GALNTL6: variants seen among roughly 807,000 people sequenced by gnomAD.
GALNTL6 encodes polypeptide N-acetylgalactosaminyltransferase like 6, also known as polypeptide N-acetylgalactosaminyltransferase-like 6.
A neutral mutation model predicts 73.7 loss-of-function variants in GALNTL6; 46 were observed. That is an observed-to-expected ratio of 0.62 (90% CI 0.49 to 0.80). GALNTL6 has a LOEUF of 0.80. GALNTL6 is among the 30% of genes least tolerant of loss of function. GALNTL6 has a pLI of 0.00. For synonymous variants in GALNTL6, 259 were observed against 263.7 expected (o/e 0.98, Z 0.17); for missense variants, 604 against 755.0 (o/e 0.80, Z 2.34).
At chr4:171,931,415 A>T (rs543717508) in intron 2 of GALNTL6, among the ~76,000 whole-genome samples, 1 of 152,328 alleles carries the variant, frequency 6.6e-6, no homozygotes, top group East Asian at 1.9e-4. Context: ...GCAGACACAT[A>T]GAAAAGTATC....
At chr4:172,946,362 G>T (rs1191422941) in intron 9 of GALNTL6, among the ~76,000 whole-genome samples, 1 of 152,172 alleles carries the variant, frequency 6.6e-6, no homozygotes, top group Non-Finnish European at 1.5e-5. Context: ...AACAGGGATT[G>T]AATAGTCTAG....
intron 2 of GALNTL6, among the ~76,000 whole-genome samples, chr4:171,989,835 C>T (rs905367045): frequency 3.3e-5 from 5 of 152,076 alleles, no homozygotes; most frequent in Non-Finnish European, 5.9e-5. Context: ...GGGTTGCTGC[C>T]GAACGAGCCA....
chr4:172,973,657 A>C (rs528605162), intron 10 of GALNTL6, among the ~76,000 whole-genome samples: 26 of 152,378 alleles, frequency 1.7e-4, no homozygotes, highest in African/African-American at 3.6e-4. Context: ...GATATTTTAG[A>C]TAACCAGAGG....
intron 2 of GALNTL6, among the ~76,000 whole-genome samples, chr4:171,967,888 T>A (rs552596220): frequency 6.6e-6 from 1 of 152,292 alleles, no homozygotes; most frequent in African/African-American, 2.4e-5. Context: ...GGACAACTCT[T>A]AATTATACAG....
At chr4:172,731,142 A>G (rs1736128034) in intron 5 of GALNTL6, among the ~76,000 whole-genome samples, 2 of 151,846 alleles carry the variant, frequency 1.3e-5, no homozygotes, top group South Asian at 2.1e-4. Flanking sequence ...TTCTTTAAAT[A>G]TATGGTATAA....
chr4:172,966,145 T>C (rs1047900272), intron 10 of GALNTL6, among the ~76,000 whole-genome samples: 6 of 152,214 alleles, frequency 3.9e-5, no homozygotes, highest in African/African-American at 1.2e-4. Flanking sequence ...AGTTAGCATA[T>C]GTACAAAAAT....
At chr4:173,035,248 G>A (rs1164127168) in intron 12 of GALNTL6, among the ~76,000 whole-genome samples, 5 of 148,652 alleles carry the variant, frequency 3.4e-5, no homozygotes, top group Admixed American at 6.8e-5. Flanking sequence ...GCGCAATCTC[G>A]GCTCACCGCA....
chr4:172,131,563 C>T, intron 2 of GALNTL6, among the ~76,000 whole-genome samples: 1 of 150,144 alleles, frequency 6.7e-6, no homozygotes, highest in African/African-American at 2.4e-5. Context: ...TGCTTTTATT[C>T]ATGTTGGAAT....
intron 2 of GALNTL6, among the ~76,000 whole-genome samples, chr4:171,947,088 G>T (rs753590869): frequency 2.6e-5 from 4 of 151,926 alleles, no homozygotes; most frequent in African/African-American, 4.8e-5. Flanking sequence ...TCTCATTTTT[G>T]AATACTTTCT....
intron 8 of GALNTL6, among the ~76,000 whole-genome samples, chr4:172,906,152 T>C (rs1294126559): frequency 6.6e-6 from 1 of 152,042 alleles, no homozygotes; most frequent in Admixed American, 6.6e-5. Context: ...ATTTTTAGTT[T>C]ACATGGCCAA....
intron 2 of GALNTL6, among the ~76,000 whole-genome samples, chr4:172,199,740 A>ATTT (rs561306407): frequency 1.3e-5 from 2 of 151,980 alleles, no homozygotes; most frequent in African/African-American, 4.8e-5. Context: ...ACTTTGAAAG[A>ATTT]TTTTTTGTTG....
At chr4:172,981,116 T>C (rs1449310016) in intron 10 of GALNTL6, among the ~76,000 whole-genome samples, 1 of 152,246 alleles carries the variant, frequency 6.6e-6, no homozygotes, top group Non-Finnish European at 1.5e-5. Flanking sequence ...ACACTTGGGT[T>C]GTTTCCACCT....
At position 172,069,395 on chromosome 4, in the gene GALNTL6, GT is replaced by G. The variant is rs376064645; in HGVS notation, c.139-160259del. Among the ~76,000 whole-genome samples, 141 of 95,554 alleles carry G rather than the reference GT, an allele frequency of 1.5e-3. 18 individuals are homozygous for G. In the East Asian group the frequency reaches 0.026, roughly 17 times the overall value. The allele number at this position is 95,554 out of a possible 152,430, so 62.7% of individuals were successfully genotyped here. On this transcript the variant is annotated intron_variant, in intron 2 of 12. Coordinates refer to ENST00000506823, the MANE Select transcript of GALNTL6 (RefSeq NM_001034845.3). ...TATATATATGTGTGTGTACATATGT[GT>G]TATATATAACACATATATGTTATAT... is the stretch of plus-strand genomic sequence containing the variant.
intron 5 of GALNTL6, among the ~76,000 whole-genome samples, chr4:172,373,419 G>A (rs933909078): frequency 6.6e-5 from 10 of 151,820 alleles, no homozygotes; most frequent in Middle Eastern, 3.4e-3. Context: ...TCCACTGACC[G>A]TCGGTTTTTG....
chr4:172,014,626 T>C (rs538091648), intron 2 of GALNTL6, among the ~76,000 whole-genome samples: 42 of 152,208 alleles, frequency 2.8e-4, no homozygotes, highest in African/African-American at 9.9e-4. Flanking sequence ...TCTAGTTACT[T>C]GAGGTGTGGC....
In GALNTL6 at chr4:171,951,349, T is replaced by C. The variant is rs1738870902; in HGVS notation, c.138+136631T>C. ...ATGTAAGTATTATAATGCTTATAAATATTGTAATGTTTGTATGTTATGCAA... is the reference window on the plus strand; with the variant it reads ...ATGTAAGTATTATAATGCTTATAAACATTGTAATGTTTGTATGTTATGCAA... On this transcript the variant is annotated intron_variant, in intron 2 of 12. Coordinates refer to ENST00000506823, the MANE Select transcript of GALNTL6 (RefSeq NM_001034845.3). 2.0e-5 allele frequency among the ~76,000 whole-genome samples: 3 copies of C among 152,070 alleles called. 1 individual carries two copies. In the South Asian group the frequency reaches 6.2e-4, roughly 31 times the overall value.
At position 171,835,762 on chromosome 4, in the gene GALNTL6, A is replaced by G. The variant is rs538874886; in HGVS notation, c.138+21044A>G. Among the ~76,000 whole-genome samples the G allele has an allele frequency of 5.9e-5, 9 of 152,128 alleles. No individual in the cohort carries two copies. The South Asian group carries it at 1.0e-3, about 18-fold the overall frequency. ...GTCTACAAGTGACTGAATGTTAATT[A>G]CTTACTAATGGCTAAGTACATTTTA... On this transcript the variant is annotated intron_variant, in intron 2 of 12. Coordinates refer to ENST00000506823, the MANE Select transcript of GALNTL6 (RefSeq NM_001034845.3).
intron 2 of GALNTL6, among the ~76,000 whole-genome samples, chr4:171,848,777 T>A (rs1271374061): frequency 6.6e-6 from 1 of 152,260 alleles, no homozygotes. Flanking sequence ...TTGCTCTGAA[T>A]TAGGCTTTCA....
At chr4:172,107,724 T>C (rs184193622) in intron 2 of GALNTL6, among the ~76,000 whole-genome samples, 1 of 150,574 alleles carries the variant, frequency 6.6e-6, no homozygotes, top group African/African-American at 2.4e-5. Flanking sequence ...ATACCTAATG[T>C]TAAATGACGA....
Sources: gnomAD v4.1 joint callset for allele counts (sites outside exome capture counted in the v4.1 genomes callset) on GRCh38, gnomAD v4.1.1 for gene constraint, MANE v1.5 for transcripts, NCBI Gene and HGNC (gene_info 2026-07-23, HGNC 2026-07-21) for gene names.